PTPN9: variants seen among roughly 807,000 people sequenced by gnomAD.
PTPN9 encodes protein tyrosine phosphatase non-receptor type 9.
In PTPN9, 26 loss-of-function variants were observed where a neutral mutation model predicts 69.8. That is an observed-to-expected ratio of 0.37 (90% confidence interval 0.27 to 0.52). The LOEUF (loss-of-function observed/expected upper bound fraction) is 0.52. Ranked by LOEUF, PTPN9 falls within the 20% of genes least tolerant of loss-of-function variation. The pLI, the probability that PTPN9 is intolerant of heterozygous loss-of-function variation, is 0.91. For synonymous variants in PTPN9, 274 were observed against 272.5 expected (o/e 1.01, Z -0.05); for missense variants, 549 against 740.3 (o/e 0.74, Z 3.00).
At chr15:75,562,724 C>A (rs1244395530) in intron 1 of PTPN9, among the ~76,000 whole-genome samples, 1 of 135,958 alleles carries the variant, frequency 7.4e-6, no homozygotes, top group African/African-American at 2.7e-5. Flanking sequence ...CCCAGCTACT[C>A]GGGAGGCTGA....
At chr15:75,553,549 C>T (rs963645897) in intron 1 of PTPN9, among the ~76,000 whole-genome samples, 2 of 152,164 alleles carry the variant, frequency 1.3e-5, no homozygotes, top group Non-Finnish European at 2.9e-5. Flanking sequence ...ACCAAAGCTA[C>T]CTGACAACTG....
intron 7 of PTPN9, among the ~76,000 whole-genome samples, chr15:75,494,188 G>A (rs542691257): frequency 5.5e-4 from 82 of 149,410 alleles, no homozygotes; most frequent in Non-Finnish European, 8.7e-4. Flanking sequence ...GAGAGAGAGC[G>A]CGAGCGAGAA....
At chr15:75,496,280 TA>T (rs748668415) in intron 7 of PTPN9, among the ~76,000 whole-genome samples, 1,452 of 138,280 alleles carry the variant, frequency 0.011, 4 homozygotes, top group Admixed American at 0.015. Context: ...TTCTAAAAAT[TA>T]AAAAAAAAAA....
intron 1 of PTPN9, among the ~76,000 whole-genome samples, chr15:75,531,851 C>T (rs1303579082): frequency 6.6e-6 from 1 of 151,420 alleles, no homozygotes; most frequent in Admixed American, 6.6e-5. Context: ...GAGCCACCAC[C>T]CCCGGCCGAG....
At chr15:75,482,734 G>A (rs573130481) in intron 8 of PTPN9, among the ~76,000 whole-genome samples, 3 of 151,536 alleles carry the variant, frequency 2.0e-5, no homozygotes, top group Admixed American at 2.0e-4. Flanking sequence ...CCATGACCCT[G>A]CCAAATCCCC....
At chr15:75,552,347 C>T (rs1208556142) in intron 1 of PTPN9, among the ~76,000 whole-genome samples, 1 of 152,006 alleles carries the variant, frequency 6.6e-6, no homozygotes, top group Non-Finnish European at 1.5e-5. Context: ...GCGGAGGTTG[C>T]GGTGAGCCAA....
At chr15:75,508,310 G>A (rs1163226543) in intron 6 of PTPN9, among the ~76,000 whole-genome samples, 1 of 152,034 alleles carries the variant, frequency 6.6e-6, no homozygotes, top group Non-Finnish European at 1.5e-5. Context: ...TTCCCGCCTT[G>A]GCCTCGGACT....
chr15:75,468,412 T>C lies in PTPN9; in HGVS notation c.*357A>G, dbSNP rs1470820473. On this transcript the variant is annotated 3_prime_UTR_variant, in exon 13 of 13. Transcript: ENST00000618819. ...ATAAAATCCTAGGAAAGGGAAGGAG[T>C]GGGAGACAGGAGACCTCAGAAAAAG... 5.4e-6 allele frequency: 1 copy of C among 183,706 alleles called. No homozygotes were observed. The highest frequency in any genetic ancestry group is 1.1e-5 in the Non-Finnish European group (1 of 87,064). The allele number at this position is 183,706 out of a possible 1,614,324, so 11.4% of individuals were successfully genotyped here.
chr15:75,524,182 CT>C, intron 3 of PTPN9, 26 bp downstream of exon 3: 1 of 1,451,848 alleles, frequency 6.9e-7, no homozygotes, highest in East Asian at 2.3e-5. Context: ...TAATAAGGCC[CT>C]ACAAGATAGG....
chr15:75,537,726 G>GC (rs1314847845), intron 1 of PTPN9, among the ~76,000 whole-genome samples: 1 of 110,816 alleles, frequency 9.0e-6, no homozygotes, highest in Non-Finnish European at 1.7e-5. Context: ...CTGCACTCCA[G>GC]CAGGGCAACA....
At chr15:75,482,059 G>GT (rs758010475) in intron 8 of PTPN9, among the ~76,000 whole-genome samples, 5 of 149,832 alleles carry the variant, frequency 3.3e-5, no homozygotes, top group Admixed American at 1.3e-4. Flanking sequence ...GATGGTTGCC[G>GT]TGTCTGTGTA....
chr15:75,506,269 C>T (rs950217602), intron 6 of PTPN9, among the ~76,000 whole-genome samples: 6 of 152,122 alleles, frequency 3.9e-5, no homozygotes, highest in African/African-American at 7.2e-5. Context: ...TCTGAAAGGA[C>T]GATGTAGTGA....
At chr15:75,532,725 T>A (rs943381064) in intron 1 of PTPN9, among the ~76,000 whole-genome samples, 6 of 152,238 alleles carry the variant, frequency 3.9e-5, no homozygotes, top group Non-Finnish European at 7.3e-5. Context: ...TACACATGCG[T>A]AGCACCTGCT....
At chr15:75,540,193 G>A (rs2075002159) in intron 1 of PTPN9, among the ~76,000 whole-genome samples, 1 of 152,066 alleles carries the variant, frequency 6.6e-6, no homozygotes, top group Non-Finnish European at 1.5e-5. Flanking sequence ...TTGAGATAGA[G>A]CAAATAAATA....
At chr15:75,501,731 T>C (rs1313716448) in intron 7 of PTPN9, among the ~76,000 whole-genome samples, 4 of 152,138 alleles carry the variant, frequency 2.6e-5, no homozygotes, top group Admixed American at 1.3e-4. Context: ...AGTGCTGGGA[T>C]TATAGGCATG....
intron 1 of PTPN9, among the ~76,000 whole-genome samples, chr15:75,530,313 G>C (rs923829997): frequency 7.2e-6 from 1 of 139,524 alleles, no homozygotes; most frequent in Non-Finnish European, 1.5e-5. Flanking sequence ...AAGGCAGGAA[G>C]ATCACTTGAG....
intron 1 of PTPN9, among the ~76,000 whole-genome samples, chr15:75,537,776 A>C (rs1003007250): frequency 7.0e-6 from 1 of 142,192 alleles, no homozygotes; most frequent in Non-Finnish European, 1.5e-5. Flanking sequence ...AAAAAAAAAA[A>C]GGCCAGGCGT....
intron 1 of PTPN9, among the ~76,000 whole-genome samples, chr15:75,559,321 C>T (rs1013240869): frequency 2.0e-5 from 3 of 152,032 alleles, no homozygotes; most frequent in African/African-American, 4.8e-5. Context: ...GCGGTTTTGT[C>T]GAGTAGAAAA....
chr15:75,550,320 T>G (rs1195124937), intron 1 of PTPN9, among the ~76,000 whole-genome samples: 2 of 151,208 alleles, frequency 1.3e-5, no homozygotes, highest in African/African-American at 4.8e-5. Context: ...CACCCGCCAC[T>G]ACATCCAGCT....
Sources: gnomAD v4.1 joint callset for allele counts (sites outside exome capture counted in the v4.1 genomes callset) on GRCh38, gnomAD v4.1.1 for gene constraint, MANE v1.5 for transcripts, NCBI Gene and HGNC (gene_info 2026-07-23, HGNC 2026-07-21) for gene names.